Variants in TENM1 observed in about 807,000 individuals in gnomAD.
TENM1 encodes teneurin transmembrane protein 1, also known as teneurin-1.
A neutral mutation model predicts 174.8 loss-of-function variants in TENM1; 35 were observed. The observed-to-expected ratio is 0.20, with a 90% CI of 0.15 to 0.27. The LOEUF (loss-of-function observed/expected upper bound fraction) is 0.27, where lower values mean the gene tolerates loss of function less well. Ranked by LOEUF, TENM1 falls within the 10% of genes least tolerant of loss-of-function variation. The probability of loss-of-function intolerance (pLI) is 1.00; values close to 1 mark genes in which losing one functional copy is unlikely to be tolerated. For synonymous variants in TENM1, 781 were observed against 798.7 expected (o/e 0.98, Z 0.37); for missense variants, 1,633 against 2,130.1 (o/e 0.77, Z 4.59).
chrX:124,596,769 G>T (rs895138653), intron 11 of TENM1, among the ~76,000 whole-genome samples: 9 of 111,373 alleles, frequency 8.1e-5, no homozygotes, highest in Admixed American at 1.9e-4. Flanking sequence ...TAAAATTTTG[G>T]ACTTTATTAT....
chrX:125,029,764 C>T, the TENM1 span, among the ~76,000 whole-genome samples: 2 of 111,385 alleles, frequency 1.8e-5, no homozygotes, highest in South Asian at 3.8e-4. Context: ...AGGAGACTGG[C>T]GGTTGTGTAT....
chrX:125,099,721 T>C, the TENM1 span, among the ~76,000 whole-genome samples: 1 of 111,664 alleles, frequency 9.0e-6, no homozygotes, highest in African/African-American at 3.3e-5. Context: ...TAAAGGTTAA[T>C]GAATTCTGAC....
the TENM1 span, among the ~76,000 whole-genome samples, chrX:125,108,286 T>A: frequency 1.1e-4 from 12 of 112,101 alleles, no homozygotes; most frequent in Admixed American, 3.8e-4. Flanking sequence ...GTTCATTGAC[T>A]CTGCGGTCCT....
At chrX:124,487,040 G>C (rs185584881) in intron 21 of TENM1, among the ~76,000 whole-genome samples, 169 bp downstream of exon 24, 1 of 111,887 alleles carries the variant, frequency 8.9e-6, no homozygotes, top group East Asian at 2.8e-4. Context: ...CTACATAGTG[G>C]ACCCTTCTTC....
chrX:124,582,357 T>A (rs1481368692), intron 11 of TENM1, among the ~76,000 whole-genome samples: 10 of 112,179 alleles, frequency 8.9e-5, no homozygotes, highest in African/African-American at 2.6e-4. Context: ...ATTCTTCCAA[T>A]CTATGAGCAT....
chrX:125,092,162 T>G, the TENM1 span, among the ~76,000 whole-genome samples: 2 of 110,600 alleles, frequency 1.8e-5, no homozygotes, highest in African/African-American at 6.6e-5. Context: ...GTATATAAAT[T>G]TATTTTAATT....
In TENM1 at chrX:124,473,187, C is replaced by A. The variant is rs901451098; in HGVS notation, c.3949+8545G>T. On this transcript the variant is annotated intron_variant, in intron 22 of 31. Coordinates refer to ENST00000422452, the Ensembl canonical transcript of TENM1. ...TACCATTTTATGGTTGGTAAAAGGG[C>A]AAATTACATGCCATCCATTTCTAAA... Among the ~76,000 whole-genome samples, 3 of 111,587 alleles carry A rather than the reference C, an allele frequency of 2.7e-5. No homozygotes were observed. The Admixed American group carries it at 2.9e-4, about 11-fold the overall frequency.
intron 3 of TENM1, among the ~76,000 whole-genome samples, chrX:124,837,665 A>G (rs1397574294): frequency 1.8e-5 from 2 of 111,939 alleles, no homozygotes; most frequent in Non-Finnish European, 3.8e-5. Flanking sequence ...AGTGAATGTG[A>G]CATGGCCTCC....
At chrX:124,741,234 G>A (rs938187117) in intron 3 of TENM1, among the ~76,000 whole-genome samples, 7 of 111,706 alleles carry the variant, frequency 6.3e-5, no homozygotes, top group African/African-American at 2.3e-4. Context: ...GTCACGCATA[G>A]TTTTTTCTTT....
At chrX:124,564,695 CTGAAA>C (rs935024800) in intron 12 of TENM1, among the ~76,000 whole-genome samples, 5 of 111,814 alleles carry the variant, frequency 4.5e-5, no homozygotes, top group African/African-American at 1.6e-4. Context: ...TGTTTTATAA[CTGAAA>C]TATTTATTTT....
At chrX:124,970,187 C>T in the TENM1 span, among the ~76,000 whole-genome samples, 1 of 111,786 alleles carries the variant, frequency 8.9e-6, no homozygotes, top group Non-Finnish European at 1.9e-5. Context: ...ACATACACTG[C>T]CCCCTCAAAA....
intron 16 of TENM1, among the ~76,000 whole-genome samples, chrX:124,525,868 T>C (rs977499970): frequency 8.9e-6 from 1 of 112,221 alleles, no homozygotes; most frequent in South Asian, 3.7e-4. Context: ...GGGTCAAGCA[T>C]ATAGTAGGAA....
At chrX:125,030,510 T>C in the TENM1 span, among the ~76,000 whole-genome samples, 1 of 112,411 alleles carries the variant, frequency 8.9e-6, no homozygotes, top group Admixed American at 9.4e-5. Flanking sequence ...GTTAACTACA[T>C]GTTCATGAAA....
chrX:124,653,769 G>A (rs374613583), exon 7 of TENM1: 32 of 1,204,932 alleles, frequency 2.7e-5, no homozygotes, highest in Middle Eastern at 2.3e-4. Context: ...TCTATCGCCC[G>A]TCCCTTCTGA....
Position 124,481,711 on chromosome X carries a change from ATT to A in TENM1, c.3949+19_3949+20del, listed in dbSNP as rs1491209658. 7.7e-5 allele frequency: 31 copies of A among 400,648 alleles called. No homozygotes were observed. Among genetic ancestry groups the A allele is most frequent in the South Asian group, 1.4e-4 (2 of 13,838 alleles). The allele number at this position is 400,648 out of a possible 1,213,427, so 33.0% of individuals were successfully genotyped here. On this transcript the variant is annotated intron_variant, in intron 22 of 31. Transcript: ENST00000422452. ...GACCCAAGGGTATATATATATATAT[ATT>A]TATTTATTTATTTTTTACCTCGAGG...
At chrX:124,548,673 G>A (rs1179397046) in intron 14 of TENM1, among the ~76,000 whole-genome samples, 1 of 111,585 alleles carries the variant, frequency 9.0e-6, no homozygotes, top group Non-Finnish European at 1.9e-5. Flanking sequence ...AGGAAGGTTC[G>A]GATGGATCAC....
At chrX:125,047,102 C>T in the TENM1 span, among the ~76,000 whole-genome samples, 303 of 110,645 alleles carry the variant, frequency 2.7e-3, 1 homozygote, top group African/African-American at 9.2e-3. Flanking sequence ...AAACTGACTT[C>T]GATAAAATGT....
intron 11 of TENM1, among the ~76,000 whole-genome samples, chrX:124,580,187 A>T (rs768407789): frequency 2.7e-5 from 3 of 111,505 alleles, no homozygotes; most frequent in African/African-American, 9.8e-5. Context: ...TAGTGGCTAC[A>T]ATGTAAGGAA....
intron 1 of TENM1, among the ~76,000 whole-genome samples, chrX:124,960,303 A>T (rs761060436): frequency 9.0e-6 from 1 of 111,409 alleles, no homozygotes; most frequent in South Asian, 3.8e-4. Flanking sequence ...ATCAAATATC[A>T]CCTTTCTATG....
Sources: allele counts gnomAD v4.1 joint callset (sites outside exome capture counted in the v4.1 genomes callset), GRCh38; gene constraint gnomAD v4.1.1; transcripts MANE v1.5; gene names NCBI Gene and HGNC (gene_info 2026-07-23, HGNC 2026-07-21).